Variants in CNTNAP3B observed in about 807,000 individuals in gnomAD.
The protein encoded by CNTNAP3B is contactin-associated protein-like 3B.
CNTNAP3B carries 25 observed loss-of-function variants against 108.9 expected under a neutral mutation model. The ratio of observed to expected loss-of-function variants is 0.23; its 90% confidence interval spans 0.17 to 0.32. CNTNAP3B has a LOEUF of 0.32. Among genes scored for constraint, CNTNAP3B ranks in the 10% least tolerant of loss-of-function variants. The pLI, the probability that CNTNAP3B is intolerant of heterozygous loss-of-function variation, is 1.00. For synonymous variants in CNTNAP3B, 103 were observed against 473.4 expected (o/e 0.22, Z 10.16); for missense variants, 252 against 1,210.4 (o/e 0.21, Z 11.75).
In CNTNAP3B at chr9:41,978,945, T is replaced by C. The variant is rs1363777960; in HGVS notation, c.1477+7223A>G. 4.1e-5 allele frequency among the ~76,000 whole-genome samples: 6 copies of C among 145,678 alleles called. No homozygotes were observed. In the East Asian group the frequency reaches 1.2e-3, roughly 29 times the overall value. ...ATATATAGAATTTTTATTTGTCAAA[T>C]AAATATTTTAATTTTTTTGAAAAAG... On this transcript the variant is annotated intron_variant, in intron 9 of 23. Coordinates refer to ENST00000377561, the MANE Select transcript of CNTNAP3B (RefSeq NM_001201380.3).
chr9:42,073,051 C>T lies in CNTNAP3B; in HGVS notation c.390+3818G>A, dbSNP rs930946507. Among the ~76,000 whole-genome samples, 90 of 139,618 alleles carry T rather than the reference C, an allele frequency of 6.4e-4. 18 individuals are homozygous for T. Among genetic ancestry groups the T allele is most frequent in the African/African-American group, 2.2e-3 (79 of 35,252 alleles). The allele number at this position is 139,618 out of a possible 152,430, so 91.6% of individuals were successfully genotyped here. ...TAAATTTGGGTCTGCTTAGGGTTCA[C>T]CATTTTAATAATTTTGCTTTTAGAA... On this transcript the variant is annotated intron_variant, in intron 3 of 23. Transcript: ENST00000377561.
chr9:42,095,082 C>A (rs1182509832), intron 2 of CNTNAP3B, among the ~76,000 whole-genome samples: 4 of 135,834 alleles, frequency 2.9e-5, no homozygotes, highest in Non-Finnish European at 4.7e-5. Context: ...CTTATTAACT[C>A]TATTCACTAT....
chr9:42,036,313 C>A (rs1376025247), intron 3 of CNTNAP3B, among the ~76,000 whole-genome samples: 2 of 140,946 alleles, frequency 1.4e-5, no homozygotes, highest in Non-Finnish European at 3.1e-5. Context: ...CTAGAATAAC[C>A]AGATCAGTGA....
chr9:41,945,840 C>T (rs1276651714), intron 13 of CNTNAP3B, among the ~76,000 whole-genome samples: 4 of 152,218 alleles, frequency 2.6e-5, no homozygotes, highest in African/African-American at 9.6e-5. Context: ...ATGTTGTCTA[C>T]TGAAATCCTC....
In CNTNAP3B at chr9:42,035,718, C is replaced by G. The variant is rs370440093; in HGVS notation, c.391-22193G>C. ...TATCACCCAGGCTGGAATGCAGCAA[C>G]ACAATCATACCTCAGTGCAGCTTTG... On this transcript the variant is annotated intron_variant, in intron 3 of 23. Coordinates refer to ENST00000377561, the MANE Select transcript of CNTNAP3B (RefSeq NM_001201380.3). 6.0e-5 allele frequency among the ~76,000 whole-genome samples: 9 copies of G among 151,210 alleles called. No homozygotes were observed. In the East Asian group the frequency reaches 1.4e-3, roughly 23 times the overall value.
intron 14 of CNTNAP3B, among the ~76,000 whole-genome samples, chr9:41,932,787 G>A (rs1228956908): frequency 6.6e-6 from 1 of 152,120 alleles, no homozygotes; most frequent in South Asian, 2.1e-4. Flanking sequence ...CAAAGTGCTG[G>A]GATAACAGGT....
chr9:41,953,182 C>T lies in CNTNAP3B; in HGVS notation c.2080+1G>A, dbSNP rs1360600567. The T allele has an allele frequency of 5.3e-6, 8 of 1,520,622 alleles. No individual in the cohort carries two copies. Among genetic ancestry groups the T allele is most frequent in the Middle Eastern group, 2.3e-4 (1 of 4,296 alleles). The allele number at this position is 1,520,622 out of a possible 1,614,324, so 94.2% of individuals were successfully genotyped here. ...CTGTAGCCTCCAGCAGTGGCGCTTA[C>T]CTCGTGAGTCCGGGCGCCGCGCTGT... On this transcript the variant is annotated splice_donor_variant, in intron 13 of 23. Coordinates refer to ENST00000377561, the MANE Select transcript of CNTNAP3B (RefSeq NM_001201380.3). LOFTEE classifies it high-confidence loss of function.
rs1040623363 is a variant in CNTNAP3B, at chr9:41,922,202, G to A, written c.2755+475C>T. On this transcript the variant is annotated intron_variant, in intron 17 of 23. Coordinates refer to ENST00000377561, the MANE Select transcript of CNTNAP3B (RefSeq NM_001201380.3). The stretch of plus-strand genomic sequence containing the variant: ...GAGATACTGCAGGGCCCGGTGGCTC[G>A]CGCCTGTAATCCCAGCACTTTGAGA... 5.1e-3 allele frequency among the ~76,000 whole-genome samples: 654 copies of A among 128,842 alleles called. 66 individuals are homozygous for A. The highest frequency in any genetic ancestry group is 0.019 in the African/African-American group (609 of 31,386). The allele number at this position is 128,842 out of a possible 152,430, so 84.5% of individuals were successfully genotyped here. A position where few individuals can be genotyped will look rare whatever the true frequency, so the allele number is the denominator to read the frequency against.
chr9:42,117,005 G>A (rs1484812082), intron 1 of CNTNAP3B, among the ~76,000 whole-genome samples: 1 of 139,204 alleles, frequency 7.2e-6, no homozygotes, highest in Non-Finnish European at 1.5e-5. Context: ...CCCAGTACAG[G>A]AGCACCCAGA....
In CNTNAP3B at chr9:42,079,551, C is replaced by A. The variant is rs1827568110; in HGVS notation, c.197-2489G>T. ...TTTTGTTTTTGTTTTGAGATGGAGT[C>A]TCACTCTGTCACCAGCCTGGAGTGC... On this transcript the variant is annotated intron_variant, in intron 2 of 23. Coordinates refer to ENST00000377561, the MANE Select transcript of CNTNAP3B (RefSeq NM_001201380.3). Among the ~76,000 whole-genome samples, 2 of 127,766 alleles carry A rather than the reference C, an allele frequency of 1.6e-5. 1 individual carries two copies. Among genetic ancestry groups the A allele is most frequent in the Non-Finnish European group, 3.3e-5 (2 of 61,022 alleles). 83.8% of individuals were successfully genotyped at this position (127,766 alleles called of 152,430 possible). A position where few individuals can be genotyped will look rare whatever the true frequency, so the allele number is the denominator to read the frequency against.
intron 17 of CNTNAP3B, among the ~76,000 whole-genome samples, chr9:41,920,702 A>C (rs1413103348): frequency 2.6e-5 from 4 of 152,304 alleles, no homozygotes; most frequent in Non-Finnish European, 5.9e-5. Context: ...TTCTTTATGA[A>C]TAAGAATGTG....
chr9:42,122,050 A>G (rs1382688432), intron 1 of CNTNAP3B, among the ~76,000 whole-genome samples: 1 of 140,016 alleles, frequency 7.1e-6, no homozygotes, highest in Admixed American at 7.1e-5. Context: ...GGGTTACATG[A>G]CAAGTGAGGA....
chr9:42,062,867 T>C (rs536860228), intron 3 of CNTNAP3B, among the ~76,000 whole-genome samples: 1 of 95,898 alleles, frequency 1.0e-5, no homozygotes, highest in South Asian at 3.1e-4. Context: ...ATCTTATAGT[T>C]GCAGCAAGTT....
intron 13 of CNTNAP3B, among the ~76,000 whole-genome samples, chr9:41,952,359 C>T (rs1824714812): frequency 6.6e-6 from 1 of 152,192 alleles, no homozygotes; most frequent in African/African-American, 2.4e-5. Context: ...GCAGCCTGGA[C>T]TTCCTGGGCT....
chr9:42,127,141 G>T (rs1056269869), intron 1 of CNTNAP3B, among the ~76,000 whole-genome samples: 2 of 138,582 alleles, frequency 1.4e-5, no homozygotes, highest in East Asian at 4.3e-4. Flanking sequence ...AGGATACTAA[G>T]TTTCATCAAC....
In CNTNAP3B at chr9:42,096,684, TC is replaced by T. The variant is rs1262763977; in HGVS notation, c.196+7944del. 1.8e-5 allele frequency among the ~76,000 whole-genome samples: 2 copies of T among 110,246 alleles called. 1 individual carries two copies. Among genetic ancestry groups the T allele is most frequent in the Admixed American group, 1.9e-4 (2 of 10,676 alleles). 72.3% of individuals were successfully genotyped at this position (110,246 alleles called of 152,430 possible). ...TTTATTTCCATTTTTAAACCTCATA[TC>T]CCCCCATCAAAAGCTCCCATTATGA... On this transcript the variant is annotated intron_variant, in intron 2 of 23. Transcript: ENST00000377561.
intron 2 of CNTNAP3B, among the ~76,000 whole-genome samples, chr9:42,095,309 T>C (rs1233579961): frequency 7.2e-5 from 10 of 137,968 alleles, no homozygotes; most frequent in South Asian, 4.7e-4. Flanking sequence ...CTTAACATAA[T>C]GTCCTCCAGG....
In CNTNAP3B at chr9:42,079,583, G is replaced by A. The variant is rs1384503743; in HGVS notation, c.197-2521C>T. On this transcript the variant is annotated intron_variant, in intron 2 of 23. Coordinates refer to ENST00000377561, the MANE Select transcript of CNTNAP3B (RefSeq NM_001201380.3). The stretch of plus-strand genomic sequence containing the variant: ...TGTCACCAGCCTGGAGTGCAGTGGC[G>A]AGATCTCTGCTCACTGCAACCTCCA... 2.3e-5 allele frequency among the ~76,000 whole-genome samples: 3 copies of A among 131,310 alleles called. 1 individual carries two copies. Among genetic ancestry groups the A allele is most frequent in the Admixed American group, 2.3e-4 (3 of 13,154 alleles). The allele number at this position is 131,310 out of a possible 152,430, so 86.1% of individuals were successfully genotyped here. A position where few individuals can be genotyped will look rare whatever the true frequency, so the allele number is the denominator to read the frequency against.
rs1274856053 is a variant in CNTNAP3B at position 42,118,751 on chromosome 9, T to C, written c.85+10259A>G. ...AAGTCAAATTGTCCCTGTTTGCAGA[T>C]GACATGATTGTGTATTTAGAAAACC... is the stretch of plus-strand genomic sequence containing the variant. On this transcript the variant is annotated intron_variant, in intron 1 of 23. Transcript: ENST00000377561. Among the ~76,000 whole-genome samples, 37 of 114,642 alleles carry C rather than the reference T, an allele frequency of 3.2e-4. No individual in the cohort carries two copies. In the South Asian group the frequency reaches 3.4e-3, roughly 10 times the overall value. 75.2% of individuals were successfully genotyped at this position (114,642 alleles called of 152,430 possible).
Sources: gnomAD v4.1 joint callset for allele counts (sites outside exome capture counted in the v4.1 genomes callset) on GRCh38, gnomAD v4.1.1 for gene constraint, MANE v1.5 for transcripts, NCBI Gene and HGNC (gene_info 2026-07-23, HGNC 2026-07-21) for gene names.